The following WNT3 variants were observed in gnomAD, a reference collection of about 807,000 sequenced individuals.
The protein encoded by WNT3 is Wnt family member 3, also known as proto-oncogene Wnt-3.
WNT3 carries 7 observed loss-of-function variants against 34.2 expected under a neutral mutation model. The observed-to-expected ratio is 0.20, with a 90% CI of 0.12 to 0.38. The LOEUF (loss-of-function observed/expected upper bound fraction) is 0.38, where lower values mean the gene tolerates loss of function less well. WNT3 is among the 10% of genes least tolerant of loss of function. The pLI, the probability that WNT3 is intolerant of heterozygous loss-of-function variation, is 1.00. For missense variants in WNT3, 267 were observed against 499.8 expected (o/e 0.53, Z 4.44); for synonymous variants, 212 against 211.5 (o/e 1.00, Z -0.02).
intron 1 of WNT3, among the ~76,000 whole-genome samples, chr17:46,781,232 C>A (rs1568081106): frequency 3.5e-5 from 5 of 143,930 alleles, no homozygotes; most frequent in Non-Finnish European, 3.0e-5. Flanking sequence ...TCCCCCCAAC[C>A]AAAAAAAAAA....
chr17:46,792,069 T>A (rs906702143), intron 1 of WNT3, among the ~76,000 whole-genome samples: 3 of 152,190 alleles, frequency 2.0e-5, no homozygotes, highest in African/African-American at 7.2e-5. Flanking sequence ...CAACTCTCTC[T>A]TACACATACA....
At chr17:46,807,789 G>A (rs535289279) in intron 1 of WNT3, among the ~76,000 whole-genome samples, 1 of 152,336 alleles carries the variant, frequency 6.6e-6, no homozygotes, top group African/African-American at 2.4e-5. Context: ...CGGAAGAGCA[G>A]GATCAGGGAA....
chr17:46,788,493 G>A (rs2083935868), intron 1 of WNT3, among the ~76,000 whole-genome samples: 2 of 152,102 alleles, frequency 1.3e-5, no homozygotes, highest in African/African-American at 4.8e-5. Flanking sequence ...CCTCTTGTTC[G>A]CTTCTGACTC....
chr17:46,797,149 C>T (rs977140043), intron 1 of WNT3, among the ~76,000 whole-genome samples: 2 of 152,182 alleles, frequency 1.3e-5, no homozygotes, highest in African/African-American at 4.8e-5. Context: ...GAACAATAAA[C>T]ACCAAGAGGC....
chr17:46,807,486 G>A (rs776331084), intron 1 of WNT3, among the ~76,000 whole-genome samples: 11 of 152,210 alleles, frequency 7.2e-5, no homozygotes, highest in South Asian at 6.2e-4. Flanking sequence ...CCATCTCTAA[G>A]TAAATAAATA....
chr17:46,801,552 G>A (rs995435700), intron 1 of WNT3, among the ~76,000 whole-genome samples: 4 of 152,114 alleles, frequency 2.6e-5, no homozygotes, highest in Non-Finnish European at 4.4e-5. Context: ...CCTGGGAGGC[G>A]GAGGCTGCAG....
chr17:46,781,114 G>A (rs1250224485), intron 1 of WNT3, among the ~76,000 whole-genome samples: 2 of 151,864 alleles, frequency 1.3e-5, no homozygotes, highest in Non-Finnish European at 2.9e-5. Flanking sequence ...TGTAGTCCCA[G>A]CTACTCAGGA....
intron 1 of WNT3, among the ~76,000 whole-genome samples, chr17:46,787,193 A>G (rs2059514042): frequency 6.6e-6 from 1 of 151,566 alleles, no homozygotes; most frequent in East Asian, 1.9e-4. Context: ...CTCCCACCTC[A>G]GCCTCCCCAA....
intron 1 of WNT3, among the ~76,000 whole-genome samples, chr17:46,811,292 G>A (rs150392100): frequency 6.6e-6 from 1 of 152,154 alleles, no homozygotes; most frequent in African/African-American, 2.4e-5. Flanking sequence ...GTTAATATGG[G>A]AAATGCTGAT....
chr17:46,813,077 G>A (rs2084297035), intron 1 of WNT3, among the ~76,000 whole-genome samples: 1 of 152,216 alleles, frequency 6.6e-6, no homozygotes, highest in Non-Finnish European at 1.5e-5. Context: ...AGTGCAAGCA[G>A]GTTGGCTTGG....
At chr17:46,783,345 C>T (rs746904090) in intron 1 of WNT3, among the ~76,000 whole-genome samples, 20 of 152,228 alleles carry the variant, frequency 1.3e-4, no homozygotes, top group Non-Finnish European at 2.1e-4. Context: ...CTTCAGAGAG[C>T]AGGTTGAAGT....
At position 46,779,101 on chromosome 17, in the gene WNT3, A is replaced by C. The variant is rs957682785; in HGVS notation, c.81-5192T>G. The stretch of plus-strand genomic sequence containing the variant: ...CACACACACACACACACACACACAC[A>C]CACCCCAGCCCACTCGGCCTTCCAA... On this transcript the variant is annotated intron_variant, in intron 1 of 4. Transcript: ENST00000225512. Among the ~76,000 whole-genome samples, 2,058 of 139,876 alleles carry C rather than the reference A, an allele frequency of 0.015. 163 individuals are homozygous for C. In the East Asian group the frequency reaches 0.16, roughly 11 times the overall value. The allele number at this position is 139,876 out of a possible 152,430, so 91.8% of individuals were successfully genotyped here.
At chr17:46,784,821 G>C (rs2059489107) in intron 1 of WNT3, among the ~76,000 whole-genome samples, 1 of 146,902 alleles carries the variant, frequency 6.8e-6, no homozygotes, top group African/African-American at 2.5e-5. Flanking sequence ...TGTCGCCCAG[G>C]CTGGAGTGCA....
chr17:46,775,345 T>C (rs995977869), intron 1 of WNT3, among the ~76,000 whole-genome samples: 1 of 152,198 alleles, frequency 6.6e-6, no homozygotes, highest in Non-Finnish European at 1.5e-5. Context: ...ATACTTGAGC[T>C]TGATGTTGGC....
At chr17:46,774,542 T>A (rs1412550909) in intron 1 of WNT3, among the ~76,000 whole-genome samples, 6 of 152,232 alleles carry the variant, frequency 3.9e-5, no homozygotes, top group African/African-American at 1.4e-4. Context: ...TCCACCTCTT[T>A]TCTCATGAGA....
rs191231033 is a variant in WNT3 at position 46,770,944 on chromosome 17, G to A, written c.323-896C>T. On this transcript the variant is annotated intron_variant, in intron 2 of 4. Coordinates refer to ENST00000225512, the MANE Select transcript of WNT3 (RefSeq NM_030753.5). ...CATCTCTCTCCTCATGGCAGGACCCGGGAGCCGGAGGTGACTCGCCACCTG... is the reference window on the plus strand; with the variant it reads ...CATCTCTCTCCTCATGGCAGGACCCAGGAGCCGGAGGTGACTCGCCACCTG... 1.0e-3 allele frequency among the ~76,000 whole-genome samples: 157 copies of A among 152,368 alleles called. 1 individual carries two copies. Among genetic ancestry groups the A allele is most frequent in the African/African-American group, 3.5e-3 (144 of 41,592 alleles).
intron 1 of WNT3, among the ~76,000 whole-genome samples, chr17:46,803,572 C>T (rs2084154153): frequency 6.6e-6 from 1 of 152,218 alleles, no homozygotes; most frequent in African/African-American, 2.4e-5. Flanking sequence ...ATCCTCCTAT[C>T]TTGGCAAAAA....
rs2084316812 is a variant in WNT3, at chr17:46,814,577, CATCT to C, written c.80+3937_80+3940del. On this transcript the variant is annotated intron_variant, in intron 1 of 4. Transcript: ENST00000225512. ...CTGGCCATCCGATCTGGTATCTGCCCATCTGTCTGTCTGTCTGTCTGTCTGTGGG... is the reference window on the plus strand; with the variant it reads ...CTGGCCATCCGATCTGGTATCTGCCCGTCTGTCTGTCTGTCTGTCTGTGGG... 1.3e-5 allele frequency among the ~76,000 whole-genome samples: 2 copies of C among 152,062 alleles called. 1 individual carries two copies. The highest frequency in any genetic ancestry group is 1.3e-4 in the Admixed American group (2 of 15,288).
chr17:46,770,752 C>A (rs1268289288), intron 2 of WNT3, among the ~76,000 whole-genome samples: 1 of 152,216 alleles, frequency 6.6e-6, no homozygotes, highest in African/African-American at 2.4e-5. Flanking sequence ...GGTTCTGTCC[C>A]AGGGTCCAGC....
Sources: allele counts gnomAD v4.1 joint callset (sites outside exome capture counted in the v4.1 genomes callset), GRCh38; gene constraint gnomAD v4.1.1; transcripts MANE v1.5; gene names NCBI Gene and HGNC (gene_info 2026-07-23, HGNC 2026-07-21).